Variants in AGAP1 observed in about 807,000 individuals in gnomAD.
AGAP1 encodes the protein arf-GAP with GTPase, ANK repeat and PH domain-containing protein 1.
AGAP1 carries 29 observed loss-of-function variants against 105.3 expected under a neutral mutation model. The ratio of observed to expected loss-of-function variants is 0.28; its 90% CI spans 0.21 to 0.38. The LOEUF is 0.38. Ranked by LOEUF, AGAP1 falls within the 10% of genes least tolerant of loss-of-function variation. AGAP1 has a pLI of 1.00. For missense variants in AGAP1, 998 were observed against 1,165.1 expected (o/e 0.86, Z 2.09); for synonymous variants, 509 against 485.9 (o/e 1.05, Z -0.63).
intron 2 of AGAP1, among the ~76,000 whole-genome samples, chr2:235,711,696 C>A (rs2149522439): frequency 6.6e-6 from 1 of 152,324 alleles, no homozygotes; most frequent in Non-Finnish European, 1.5e-5. Flanking sequence ...TCCTCATCGG[C>A]ACCCCCAGCA....
chr2:235,757,252 A>G (rs932547719), intron 6 of AGAP1, among the ~76,000 whole-genome samples: 2 of 152,358 alleles, frequency 1.3e-5, no homozygotes, highest in East Asian at 1.9e-4. Context: ...CTGTCCTAGA[A>G]CAGATCTGCA....
chr2:235,930,634 C>G lies in AGAP1; in HGVS notation c.1325-131C>G. 3.5e-6 allele frequency: 3 copies of G among 869,024 alleles called. No homozygotes were observed. The highest frequency in any genetic ancestry group is 3.4e-6 in the Non-Finnish European group (2 of 580,700). 53.8% of individuals were successfully genotyped at this position (869,024 alleles called of 1,614,324 possible). On this transcript the variant is annotated intron_variant, in intron 11 of 17. Transcript: ENST00000304032. The surrounding 1 kb of genome is among the most constrained non-coding windows in gnomAD (Gnocchi z 7.9). ...CTGTCTGGCGCTTCCGTTTGCCATG[C>G]AGGCAGGACAGGGGCTGCTCTCGGT...
chr2:235,717,734 C>T, intron 3 of AGAP1, 90 bp downstream of exon 3: 1 of 1,089,712 alleles, frequency 9.2e-7, no homozygotes, highest in Non-Finnish European at 1.3e-6. Context: ...TTTGATGTAT[C>T]ACAGGTCAAG....
Position 235,621,883 on chromosome 2 carries a change from G to A in AGAP1, c.164-87296G>A, listed in dbSNP as rs896081632. Among the ~76,000 whole-genome samples the A allele has an allele frequency of 3.4e-5, 5 of 147,054 alleles. No homozygotes were observed. Among genetic ancestry groups the A allele is most frequent in the Admixed American group, 1.4e-4 (2 of 14,446 alleles). On this transcript the variant is annotated intron_variant, in intron 1 of 17. Transcript: ENST00000304032. This position sits in a 1 kb window ranked among gnomAD's most constrained non-coding sequence, Gnocchi z 4.1. ...TAGGAGTGGAGGAGGGGTGCGATCG[G>A]AAGGGAGTGCCGCGCAGACCCCCCC...
Position 235,612,095 on chromosome 2 carries a change from TGTAATC to T in AGAP1, c.164-97077_164-97072del, listed in dbSNP as rs1372672346. 6.6e-6 allele frequency among the ~76,000 whole-genome samples: 1 copy of T among 152,346 alleles called. No homozygotes were observed. Among genetic ancestry groups the T allele is most frequent in the African/African-American group, 2.4e-5 (1 of 41,586 alleles). ...AATCAGACATGCTTTATTTTCTACT[TGTAATC>T]GTAATCTGAGTGCAATTTCAGGACT... On this transcript the variant is annotated intron_variant, in intron 1 of 17. Coordinates refer to ENST00000304032, the MANE Select transcript of AGAP1 (RefSeq NM_001037131.3). This position sits in a 1 kb window ranked among gnomAD's most constrained non-coding sequence, Gnocchi z 4.3.
chr2:235,846,398 C>T (rs1961496897), intron 9 of AGAP1, among the ~76,000 whole-genome samples: 1 of 150,676 alleles, frequency 6.6e-6, no homozygotes, highest in African/African-American at 2.4e-5. Flanking sequence ...ATGATCTCAG[C>T]TGACTGCGAC....
At position 235,660,446 on chromosome 2, in the gene AGAP1, AGTT is replaced by A. The variant is rs1228395334; in HGVS notation, c.164-48730_164-48728del. On this transcript the variant is annotated intron_variant, in intron 1 of 17. Coordinates refer to ENST00000304032, the MANE Select transcript of AGAP1 (RefSeq NM_001037131.3). This position sits in a 1 kb window ranked among gnomAD's most constrained non-coding sequence, Gnocchi z 5.3. The stretch of plus-strand genomic sequence containing the variant: ...TTGATAAGGGCTTGAGGGTGAGAGA[AGTT>A]GTCCTTAACTGAAGGAGGGGGTTCT... Among the ~76,000 whole-genome samples the A allele has an allele frequency of 1.3e-5, 2 of 152,290 alleles. No individual in the cohort carries two copies. Among genetic ancestry groups the A allele is most frequent in the East Asian group, 3.9e-4 (2 of 5,178 alleles).
In AGAP1 at chr2:235,733,010, A is replaced by G. The variant is rs147872943; in HGVS notation, c.311-7953A>G. On this transcript the variant is annotated intron_variant, in intron 3 of 17. Coordinates refer to ENST00000304032, the MANE Select transcript of AGAP1 (RefSeq NM_001037131.3). The surrounding 1 kb of genome is among the most constrained non-coding windows in gnomAD (Gnocchi z 5.0). ...CTGGAGATCCCAGGATTTACTGAGC[A>G]TCCATGCTCTGCCATCCGTCTAGTT... Among the ~76,000 whole-genome samples, 1 of 152,294 alleles carries G rather than the reference A, an allele frequency of 6.6e-6. No homozygotes were observed. Among genetic ancestry groups the G allele is most frequent in the Non-Finnish European group, 1.5e-5 (1 of 68,020 alleles).
At chr2:235,677,891 C>A (rs1240238202) in intron 1 of AGAP1, among the ~76,000 whole-genome samples, 2 of 99,114 alleles carry the variant, frequency 2.0e-5, no homozygotes, top group African/African-American at 8.6e-5. Context: ...CTTTCTGCCC[C>A]CATTAGCTCT....
chr2:235,632,444 T>G (rs543482542), intron 1 of AGAP1, among the ~76,000 whole-genome samples: 5 of 152,300 alleles, frequency 3.3e-5, no homozygotes, highest in South Asian at 4.1e-4. Flanking sequence ...CCACGTCCAT[T>G]ACGCTTGCAG....
intron 1 of AGAP1, among the ~76,000 whole-genome samples, chr2:235,656,769 T>C (rs1189679033): frequency 6.6e-6 from 1 of 152,194 alleles, no homozygotes; most frequent in African/African-American, 2.4e-5. Flanking sequence ...TAACTTGCCT[T>C]GCTGAGAATT....
intron 1 of AGAP1, among the ~76,000 whole-genome samples, chr2:235,496,015 G>T (rs894660285): frequency 1.3e-5 from 2 of 152,360 alleles, no homozygotes; most frequent in Admixed American, 6.5e-5. Flanking sequence ...CCCTCTGTGA[G>T]GGAGAGGGTA....
At chr2:235,975,232 T>C (rs2054807715) in intron 13 of AGAP1, among the ~76,000 whole-genome samples, 1 of 152,244 alleles carries the variant, frequency 6.6e-6, no homozygotes, top group Non-Finnish European at 1.5e-5. Flanking sequence ...ATGTTGCTAT[T>C]GATCAGTTAC....
At position 235,664,704 on chromosome 2, in the gene AGAP1, G is replaced by A. The variant is rs1385597230; in HGVS notation, c.164-44475G>A. Among the ~76,000 whole-genome samples the A allele has an allele frequency of 1.3e-5, 2 of 152,172 alleles. No individual in the cohort carries two copies. Among genetic ancestry groups the A allele is most frequent in the Non-Finnish European group, 2.9e-5 (2 of 68,036 alleles). On this transcript the variant is annotated intron_variant, in intron 1 of 17. Transcript: ENST00000304032. This position sits in a 1 kb window ranked among gnomAD's most constrained non-coding sequence, Gnocchi z 5.7. The stretch of plus-strand genomic sequence containing the variant: ...GAAATGAAGTCTCAGTGTGGGGTCC[G>A]ATGCTTCCTATGGCTGCATGGAGGA...
At chr2:236,048,435 C>G (rs1018812836) in intron 15 of AGAP1, among the ~76,000 whole-genome samples, 1 of 152,234 alleles carries the variant, frequency 6.6e-6, no homozygotes, top group Non-Finnish European at 1.5e-5. Flanking sequence ...ATAACCTCAC[C>G]AAAGGGCCCT....
intron 16 of AGAP1, among the ~76,000 whole-genome samples, chr2:236,106,483 T>C (rs2059496160): frequency 6.6e-6 from 1 of 152,246 alleles, no homozygotes; most frequent in Non-Finnish European, 1.5e-5. Flanking sequence ...CCCTGCCCTC[T>C]GTGTGATGGG....
chr2:236,071,673 G>T (rs964588393), intron 16 of AGAP1, among the ~76,000 whole-genome samples: 1 of 152,202 alleles, frequency 6.6e-6, no homozygotes, highest in African/African-American at 2.4e-5. Flanking sequence ...AAGCCATTTG[G>T]GCTGATCTGT....
At chr2:235,942,986 A>C (rs1284073656) in intron 12 of AGAP1, among the ~76,000 whole-genome samples, 1 of 152,200 alleles carries the variant, frequency 6.6e-6, no homozygotes, top group Non-Finnish European at 1.5e-5. Context: ...CCAGCTACCC[A>C]AGAGGCACAT....
chr2:235,860,212 A>G (rs2048870573), intron 9 of AGAP1, among the ~76,000 whole-genome samples: 1 of 152,254 alleles, frequency 6.6e-6, no homozygotes, highest in Non-Finnish European at 1.5e-5. Flanking sequence ...ATACACTGAG[A>G]AATAAAAAAT....
Sources: gnomAD v4.1 joint callset for allele counts (sites outside exome capture counted in the v4.1 genomes callset) on GRCh38, gnomAD v4.1.1 for gene constraint, Gnocchi (gnomAD v3.1) non-coding constraint, MANE v1.5 for transcripts, NCBI Gene and HGNC (gene_info 2026-07-23, HGNC 2026-07-21) for gene names.